Variants in ANO3 observed in about 807,000 individuals in gnomAD.
ANO3 encodes the protein anoctamin-3.
ANO3 carries 99 observed loss-of-function variants against 144.8 expected under a neutral mutation model. The observed-to-expected ratio is 0.68, with a 90% CI of 0.58 to 0.81. The LOEUF (loss-of-function observed/expected upper bound fraction) is 0.81, where lower values mean the gene tolerates loss of function less well. Among genes scored for constraint, ANO3 ranks in the 30% least tolerant of loss-of-function variants. ANO3 has a pLI of 0.00. For missense variants in ANO3, 905 were observed against 1,202.2 expected, an observed-to-expected ratio of 0.75 and a Z score of 3.66; for synonymous variants, 414 against 392.6, an observed-to-expected ratio of 1.05 and a Z score of -0.64.
intron 1 of ANO3, among the ~76,000 whole-genome samples, chr11:26,334,569 G>T (rs1174271137): frequency 6.6e-6 from 1 of 152,106 alleles, no homozygotes; most frequent in Non-Finnish European, 1.5e-5. Flanking sequence ...TCAACAAAGT[G>T]GTTAATTTCT....
chr11:26,541,344 A>T (rs453947), intron 10 of ANO3, among the ~76,000 whole-genome samples: 108,087 of 151,978 alleles, frequency 0.71, 38,746 homozygotes, highest in East Asian at 0.84. Flanking sequence ...TACCTAATGC[A>T]GATGACAGAT....
intron 1 of ANO3, among the ~76,000 whole-genome samples, chr11:26,231,930 G>C (rs186089100): frequency 6.6e-6 from 1 of 152,232 alleles, no homozygotes; most frequent in Admixed American, 6.5e-5. Flanking sequence ...TCATGCAGCT[G>C]GTTTTTCATA....
At chr11:26,214,281 G>T (rs1851993834) in intron 1 of ANO3, among the ~76,000 whole-genome samples, 1 of 151,582 alleles carries the variant, frequency 6.6e-6, no homozygotes, top group Admixed American at 6.6e-5. Flanking sequence ...TTTTACTTTT[G>T]GGAGTTAAGA....
At chr11:26,352,946 C>A (rs1855685419) in intron 1 of ANO3, among the ~76,000 whole-genome samples, 1 of 152,108 alleles carries the variant, frequency 6.6e-6, no homozygotes, top group African/African-American at 2.4e-5. Context: ...TGAACTCGAC[C>A]CCCTCTTGAC....
chr11:26,532,371 G>A (rs1177452477), intron 8 of ANO3, among the ~76,000 whole-genome samples: 1 of 152,002 alleles, frequency 6.6e-6, no homozygotes, highest in South Asian at 2.1e-4. Context: ...GGACCTTTAA[G>A]GATCTGTGAT....
intron 1 of ANO3, among the ~76,000 whole-genome samples, chr11:26,264,603 C>T (rs1328817033): frequency 6.6e-6 from 1 of 152,102 alleles, no homozygotes; most frequent in Non-Finnish European, 1.5e-5. Context: ...TAATGAAGTA[C>T]AACAGTCTGG....
chr11:26,406,659 G>A (rs1032144538), intron 1 of ANO3, among the ~76,000 whole-genome samples: 1 of 147,252 alleles, frequency 6.8e-6, no homozygotes, highest in African/African-American at 2.5e-5. Context: ...AGTGAAAGGG[G>A]TCCAATAATC....
At chr11:26,487,765 A>G (rs191734600) in intron 4 of ANO3, among the ~76,000 whole-genome samples, 1 of 152,336 alleles carries the variant, frequency 6.6e-6, no homozygotes, top group Non-Finnish European at 1.5e-5. Context: ...CCCCTGCCCT[A>G]GAGATTTGTG....
At chr11:26,272,832 C>G (rs768543356) in intron 1 of ANO3, among the ~76,000 whole-genome samples, 8 of 152,100 alleles carry the variant, frequency 5.3e-5, no homozygotes, top group Non-Finnish European at 1.0e-4. Context: ...TATAAAGCAG[C>G]AAAGGATAGG....
intron 1 of ANO3, among the ~76,000 whole-genome samples, chr11:26,200,969 C>T (rs1484556247): frequency 1.3e-5 from 2 of 152,034 alleles, no homozygotes; most frequent in Admixed American, 6.6e-5. Flanking sequence ...ATTGAATATC[C>T]ACATTGCCTT....
chr11:26,222,459 G>C (rs371351437), intron 1 of ANO3, among the ~76,000 whole-genome samples: 4 of 152,196 alleles, frequency 2.6e-5, no homozygotes, highest in African/African-American at 9.7e-5. Context: ...CTCAGGTCTG[G>C]AGAGTGGCAG....
chr11:26,504,013 C>A (rs1489667391), intron 4 of ANO3, among the ~76,000 whole-genome samples: 1 of 152,142 alleles, frequency 6.6e-6, no homozygotes, highest in East Asian at 1.9e-4. Flanking sequence ...TCAGTTGATT[C>A]CGTTTACCGC....
intron 1 of ANO3, among the ~76,000 whole-genome samples, chr11:26,333,566 G>A (rs563993990): frequency 6.6e-6 from 1 of 152,254 alleles, no homozygotes; most frequent in South Asian, 2.1e-4. Context: ...ACAGGTGTGA[G>A]CCACTGTACC....
At chr11:26,260,122 A>G (rs1853152404) in intron 1 of ANO3, among the ~76,000 whole-genome samples, 1 of 151,668 alleles carries the variant, frequency 6.6e-6, no homozygotes, top group East Asian at 2.0e-4. Flanking sequence ...ACAGGCCAAG[A>G]TACCCCACAC....
chr11:26,421,657 C>A (rs1438321084), intron 1 of ANO3, among the ~76,000 whole-genome samples: 1 of 151,912 alleles, frequency 6.6e-6, no homozygotes, highest in East Asian at 1.9e-4. Context: ...CTTTATCAAG[C>A]ACATGTATGT....
intron 4 of ANO3, among the ~76,000 whole-genome samples, chr11:26,503,330 A>T (rs1461223578): frequency 7.2e-5 from 11 of 152,254 alleles, no homozygotes; most frequent in South Asian, 4.1e-4. Flanking sequence ...TATTATACCA[A>T]ACAATTCAAG....
At chr11:26,495,619 T>C (rs989478537) in intron 4 of ANO3, among the ~76,000 whole-genome samples, 1 of 152,192 alleles carries the variant, frequency 6.6e-6, no homozygotes, top group Non-Finnish European at 1.5e-5. Context: ...AGTTGTTTGA[T>C]AATCCTTCTT....
At chr11:26,331,187 G>A (rs1855029524), upstream of ANO3, among the ~76,000 whole-genome samples, 1 of 152,144 alleles carries the variant, frequency 6.6e-6, no homozygotes, top group Non-Finnish European at 1.5e-5. Flanking sequence ...CTGTTGGAGG[G>A]GGAGGGAGAG....
At position 26,544,273 on chromosome 11, in the gene ANO3, T is replaced by TATATATATATATATATATACACACACAC; in HGVS notation, c.1154+2206_1154+2207insTATATATATATATATATACACACACACA. On this transcript the variant is annotated intron_variant, in intron 11 of 26. Transcript: ENST00000256737. ...ATACATATATATATATATATATATA[T>TATATATATATATATATATACACACACAC]ACACACATACACACACACACACACA... Among the ~76,000 whole-genome samples the TATATATATATATATATATACACACACAC allele has an allele frequency of 7.2e-4, 42 of 58,498 alleles. 1 individual carries two copies. Among genetic ancestry groups the TATATATATATATATATATACACACACAC allele is most frequent in the African/African-American group, 1.5e-3 (30 of 19,824 alleles). The allele number at this position is 58,498 out of a possible 152,430, so 38.4% of individuals were successfully genotyped here. A position where few individuals can be genotyped will look rare whatever the true frequency, so the allele number is the denominator to read the frequency against.
Sources: gnomAD v4.1 joint callset for allele counts (sites outside exome capture counted in the v4.1 genomes callset) on GRCh38, gnomAD v4.1.1 for gene constraint, MANE v1.5 for transcripts, NCBI Gene and HGNC (gene_info 2026-07-23, HGNC 2026-07-21) for gene names.